Variants in GHR observed in about 807,000 individuals in gnomAD.
GHR encodes GH receptor.
In GHR, 35 loss-of-function variants were observed where a neutral mutation model predicts 67.1. That is an observed-to-expected ratio of 0.52 (90% CI 0.40 to 0.69). The LOEUF (loss-of-function observed/expected upper bound fraction) is 0.69, where lower values mean the gene tolerates loss of function less well. Ranked by LOEUF, GHR falls within the 30% of genes least tolerant of loss-of-function variation. The pLI is 0.00. For missense variants in GHR, 792 were observed against 764.6 expected, an observed-to-expected ratio of 1.04 and a Z score of -0.42; for synonymous variants, 272 against 269.1, an observed-to-expected ratio of 1.01 and a Z score of -0.10.
At chr5:42,467,536 C>A in intron 1 of GHR, 3 of 1,368,044 alleles carry the variant, frequency 2.2e-6, no homozygotes, top group South Asian at 2.4e-5. Context: ...GGCTTTCTCA[C>A]ATTTACTACG....
intron 1 of GHR, among the ~76,000 whole-genome samples, chr5:42,477,173 G>A (rs1196736785): frequency 1.3e-5 from 2 of 151,540 alleles, no homozygotes; most frequent in Non-Finnish European, 2.9e-5. Flanking sequence ...GAGAATGATG[G>A]TTTCCAGTTT....
chr5:42,659,654 C>T (rs4242118), intron 3 of GHR, among the ~76,000 whole-genome samples: 99,628 of 152,104 alleles, frequency 0.65, 34,046 homozygotes, highest in East Asian at 0.82. Context: ...GGAACAGCTC[C>T]GGTCTACAGC....
intron 3 of GHR, among the ~76,000 whole-genome samples, chr5:42,671,641 T>TA (rs33934676): frequency 0.72 from 97,902 of 136,640 alleles, 35,936 homozygotes; most frequent in Non-Finnish European, 0.8. Flanking sequence ...CCCTTCATGT[T>TA]AAAAAAAAAA....
intron 1 of GHR, chr5:42,565,637 T>A: frequency 1.0e-6 from 1 of 985,300 alleles, no homozygotes; most frequent in East Asian, 1.1e-4. Context: ...GTTCATGTTA[T>A]TTCCTGAGAC....
intron 2 of GHR, among the ~76,000 whole-genome samples, chr5:42,618,614 A>G (rs536064500): frequency 3.0e-3 from 450 of 152,292 alleles, no homozygotes; most frequent in Non-Finnish European, 4.1e-3. Flanking sequence ...AGACATAATT[A>G]ACTATCAGAT....
chr5:42,719,528 C>A lies in GHR; in HGVS notation c.*104C>A. On this transcript the variant is annotated 3_prime_UTR_variant, in exon 10 of 10. Transcript: ENST00000230882. Reference sequence around the variant, plus strand: ...GTTTAAACCTTTTTTGGGGGAGTGACAGGATGGGGTATGGATTCTAAAATG... The same window carrying A: ...GTTTAAACCTTTTTTGGGGGAGTGAAAGGATGGGGTATGGATTCTAAAATG... 1 of 1,071,708 alleles carries A rather than the reference C, an allele frequency of 9.3e-7. No homozygotes were observed. The highest frequency in any genetic ancestry group is 1.4e-6 in the Non-Finnish European group (1 of 698,768). The allele number at this position is 1,071,708 out of a possible 1,614,324, so 66.4% of individuals were successfully genotyped here.
chr5:42,482,673 C>T (rs575201390), intron 1 of GHR, among the ~76,000 whole-genome samples: 19 of 152,338 alleles, frequency 1.2e-4, no homozygotes, highest in African/African-American at 4.6e-4. Flanking sequence ...GCATAGGACC[C>T]TCCGAGCCAG....
At chr5:42,608,913 T>C (rs570273731) in intron 2 of GHR, among the ~76,000 whole-genome samples, 16 of 152,300 alleles carry the variant, frequency 1.1e-4, no homozygotes, top group African/African-American at 3.8e-4. Context: ...CTCTATTTTT[T>C]CTGGTAGCTC....
Position 42,504,852 on chromosome 5 carries a change from G to C in GHR, c.-11-61012G>C, listed in dbSNP as rs151012831. On this transcript the variant is annotated intron_variant, in intron 1 of 9. Transcript: ENST00000230882. ...CCTCAATCATAGCACTTTTCCAAAAGAGTCTTACCTTATATTCTGGATCTC... is the reference window on the plus strand; with the variant it reads ...CCTCAATCATAGCACTTTTCCAAAACAGTCTTACCTTATATTCTGGATCTC... 1.7e-3 allele frequency among the ~76,000 whole-genome samples: 262 copies of C among 152,302 alleles called. 1 individual carries two copies. The highest frequency in any genetic ancestry group is 3.8e-3 in the Admixed American group (58 of 15,300).
intron 3 of GHR, chr5:42,659,063 G>C (rs1051539671): frequency 2.6e-5 from 4 of 152,098 alleles, no homozygotes; most frequent in African/African-American, 4.8e-5. Flanking sequence ...TGAAGGCTTG[G>C]GGATCTATTA....
At chr5:42,637,038 T>C (rs766230051) in intron 3 of GHR, among the ~76,000 whole-genome samples, 16 of 152,230 alleles carry the variant, frequency 1.1e-4, no homozygotes, top group East Asian at 1.9e-4. Flanking sequence ...AAGCTACCTC[T>C]GTGTTTTTTT....
intron 3 of GHR, among the ~76,000 whole-genome samples, chr5:42,631,530 G>A (rs1013342017): frequency 6.6e-6 from 1 of 152,122 alleles, no homozygotes; most frequent in African/African-American, 2.4e-5. Flanking sequence ...CATTGTTACC[G>A]TGTCACAAAT....
chr5:42,430,015 C>G (rs1490688166), intron 1 of GHR, among the ~76,000 whole-genome samples: 1 of 152,212 alleles, frequency 6.6e-6, no homozygotes, highest in East Asian at 1.9e-4. Context: ...CAGGACATGT[C>G]TAAGTCAGCC....
At chr5:42,617,232 T>C (rs1394564433) in intron 2 of GHR, among the ~76,000 whole-genome samples, 1 of 150,684 alleles carries the variant, frequency 6.6e-6, no homozygotes, top group African/African-American at 2.5e-5. Flanking sequence ...TTGTACATGC[T>C]CATTCCCTTA....
intron 1 of GHR, among the ~76,000 whole-genome samples, chr5:42,546,015 A>G (rs1748717323): frequency 1.3e-5 from 2 of 152,174 alleles, no homozygotes; most frequent in South Asian, 4.1e-4. Context: ...TCAGCACACT[A>G]ATAGGATTTA....
At chr5:42,661,962 C>T (rs1469990678) in intron 3 of GHR, among the ~76,000 whole-genome samples, 4 of 152,112 alleles carry the variant, frequency 2.6e-5, no homozygotes, top group African/African-American at 9.7e-5. Flanking sequence ...ATCCTCGTCT[C>T]TGATAAAACA....
intron 1 of GHR, among the ~76,000 whole-genome samples, chr5:42,438,299 C>T (rs2111939946): frequency 6.6e-6 from 1 of 152,296 alleles, no homozygotes. Context: ...ACAGTGTATT[C>T]AAACCCAGAT....
At chr5:42,705,109 C>T (rs1228510276) in intron 6 of GHR, among the ~76,000 whole-genome samples, 4 of 151,928 alleles carry the variant, frequency 2.6e-5, no homozygotes, top group Admixed American at 2.0e-4. Context: ...CATCACATTA[C>T]TAGAACCAAA....
At chr5:42,660,702 A>G (rs1374062499) in intron 3 of GHR, among the ~76,000 whole-genome samples, 6 of 152,196 alleles carry the variant, frequency 3.9e-5, no homozygotes, top group African/African-American at 1.2e-4. Context: ...AAAGCAGAGC[A>G]CCTCTCCTCC....
Sources: allele counts gnomAD v4.1 joint callset (sites outside exome capture counted in the v4.1 genomes callset), GRCh38; gene constraint gnomAD v4.1.1; transcripts MANE v1.5; gene names NCBI Gene and HGNC (gene_info 2026-07-23, HGNC 2026-07-21).